The following ATP11A variants were observed in gnomAD, a reference collection of about 807,000 sequenced individuals.
ATP11A encodes the protein phospholipid-transporting ATPase IH.
In ATP11A, 81 loss-of-function variants were observed where a neutral mutation model predicts 154.4. The observed-to-expected ratio is 0.52, with a 90% CI of 0.44 to 0.63. The LOEUF is 0.63. Among genes scored for constraint, ATP11A ranks in the 30% least tolerant of loss-of-function variants. The probability of loss-of-function intolerance (pLI) is 0.00; values close to 1 mark genes in which losing one functional copy is unlikely to be tolerated. For synonymous variants in ATP11A, 623 were observed against 585.9 expected, an observed-to-expected ratio of 1.06 and a Z score of -0.91; for missense variants, 1,316 against 1,474.3, an observed-to-expected ratio of 0.89 and a Z score of 1.76.
chr13:112,805,272 C>G (rs1162783531), intron 3 of ATP11A, among the ~76,000 whole-genome samples: 1 of 152,242 alleles, frequency 6.6e-6, no homozygotes, highest in Non-Finnish European at 1.5e-5. Context: ...TGGTGACAGC[C>G]TTTCCTGCCC....
intron 1 of ATP11A, among the ~76,000 whole-genome samples, chr13:112,718,869 G>A (rs1405648302): frequency 6.6e-6 from 1 of 152,026 alleles, no homozygotes; most frequent in Non-Finnish European, 1.5e-5. Context: ...TAGTAGAGAT[G>A]GGGTTTTACC....
At chr13:112,813,378 T>C (rs558017012) in intron 5 of ATP11A, among the ~76,000 whole-genome samples, 30 of 152,288 alleles carry the variant, frequency 2.0e-4, no homozygotes, top group Non-Finnish European at 3.8e-4. Flanking sequence ...CCTGTGACCT[T>C]TTGGGGTTGG....
chr13:112,717,683 G>A (rs978466930), intron 1 of ATP11A: 2 of 152,232 alleles, frequency 1.3e-5, no homozygotes, highest in African/African-American at 4.8e-5. Flanking sequence ...AACATATGAT[G>A]ATACTGAATT....
chr13:112,707,421 A>T (rs907208418), intron 1 of ATP11A, among the ~76,000 whole-genome samples: 1 of 151,534 alleles, frequency 6.6e-6, no homozygotes, highest in African/African-American at 2.4e-5. Context: ...GTCTCAAAAA[A>T]AAAAAAAAAA....
chr13:112,761,528 C>T (rs9604429), intron 1 of ATP11A, among the ~76,000 whole-genome samples: 94 of 151,540 alleles, frequency 6.2e-4, no homozygotes, highest in African/African-American at 2.1e-3. Context: ...CCATAGGATT[C>T]GGTACTCTAT....
intron 18 of ATP11A, chr13:112,851,617 G>A (rs2079769964): frequency 6.4e-6 from 1 of 156,912 alleles, no homozygotes; most frequent in African/African-American, 2.4e-5. Flanking sequence ...AAACTCCTAG[G>A]CTCAAGCTGT....
intron 25 of ATP11A, among the ~76,000 whole-genome samples, chr13:112,870,417 C>T (rs539084976): frequency 3.9e-4 from 60 of 152,270 alleles, no homozygotes; most frequent in South Asian, 8.3e-4. Flanking sequence ...TGTGCTCTGT[C>T]GCCCACGTTG....
At chr13:112,827,178 G>T (rs1369857618) in intron 12 of ATP11A, among the ~76,000 whole-genome samples, 1 of 152,202 alleles carries the variant, frequency 6.6e-6, no homozygotes, top group African/African-American at 2.4e-5. Flanking sequence ...GGTAAAAGTG[G>T]CTTTGCCAGC....
intron 1 of ATP11A, among the ~76,000 whole-genome samples, chr13:112,714,598 T>C (rs1334973012): frequency 6.6e-6 from 1 of 152,226 alleles, no homozygotes; most frequent in African/African-American, 2.4e-5. Context: ...CTTCTTTGTG[T>C]GTCTGTGATG....
At chr13:112,738,747 C>T (rs1227662530) in intron 1 of ATP11A, among the ~76,000 whole-genome samples, 3 of 151,522 alleles carry the variant, frequency 2.0e-5, no homozygotes, top group Non-Finnish European at 2.9e-5. Context: ...AGGTCCCAGC[C>T]GTCAGCCGTG....
At chr13:112,780,742 C>CG (rs2140005339) in intron 1 of ATP11A, among the ~76,000 whole-genome samples, 2 of 152,210 alleles carry the variant, frequency 1.3e-5, no homozygotes, top group East Asian at 3.9e-4. Context: ...GTGGCTTTCT[C>CG]GATGCAGTTT....
At chr13:112,881,430 G>T in intron 29 of ATP11A, 1 of 1,050,844 alleles carries the variant, frequency 9.5e-7, no homozygotes, top group African/African-American at 1.7e-5. Context: ...TTTTGTTCAA[G>T]GGTCTCTGGG....
intron 5 of ATP11A, among the ~76,000 whole-genome samples, chr13:112,815,534 C>T (rs150002589): frequency 6.6e-6 from 1 of 152,258 alleles, no homozygotes; most frequent in African/African-American, 2.4e-5. Context: ...GAGATGCCTT[C>T]CTCACTGATG....
intron 6 of ATP11A, among the ~76,000 whole-genome samples, chr13:112,818,997 G>T (rs952987262): frequency 3.3e-5 from 5 of 152,226 alleles, no homozygotes; most frequent in African/African-American, 1.2e-4. Context: ...TCAGGTCCTG[G>T]ATTTGTTTCC....
intron 4 of ATP11A, among the ~76,000 whole-genome samples, chr13:112,810,233 T>C (rs535861879): frequency 4.6e-5 from 7 of 152,372 alleles, no homozygotes; most frequent in South Asian, 2.1e-4. Flanking sequence ...TCGGGGCTTT[T>C]CGGTGTGGAT....
At chr13:112,849,877 C>T (rs2079714159) in intron 17 of ATP11A, among the ~76,000 whole-genome samples, 1 of 152,208 alleles carries the variant, frequency 6.6e-6, no homozygotes, top group Admixed American at 6.5e-5. Context: ...TGCTACTTTC[C>T]TCTGAGACGG....
chr13:112,820,311 A>G (rs1053283355), intron 8 of ATP11A, among the ~76,000 whole-genome samples: 4 of 152,212 alleles, frequency 2.6e-5, no homozygotes, highest in Non-Finnish European at 5.9e-5. Context: ...GTCTTCAGAT[A>G]TGAAATTGAA....
At chr13:112,768,220 G>A (rs1315808284) in intron 1 of ATP11A, among the ~76,000 whole-genome samples, 1 of 152,244 alleles carries the variant, frequency 6.6e-6, no homozygotes, top group African/African-American at 2.4e-5. Flanking sequence ...GAGCTACATG[G>A]GACACAAGAG....
intron 1 of ATP11A, among the ~76,000 whole-genome samples, chr13:112,719,155 C>T (rs574247007): frequency 8.6e-5 from 13 of 151,892 alleles, no homozygotes; most frequent in African/African-American, 2.9e-4. Context: ...TGCCCTGTGA[C>T]GCGCAGGTGT....
Sources: gnomAD v4.1 joint callset for allele counts (sites outside exome capture counted in the v4.1 genomes callset) on GRCh38, gnomAD v4.1.1 for gene constraint, MANE v1.5 for transcripts, NCBI Gene and HGNC (gene_info 2026-07-23, HGNC 2026-07-21) for gene names.